The following NEB variants were observed in gnomAD, a reference collection of about 807,000 sequenced individuals.
NEB encodes the protein nebulin.
In NEB, 512 loss-of-function variants were observed where a neutral mutation model predicts 952.2. That is an observed-to-expected ratio of 0.54 (90% CI 0.50 to 0.58). The LOEUF is 0.58. Among genes scored for constraint, NEB ranks in the 20% least tolerant of loss-of-function variants. NEB has a pLI of 0.00. For missense variants in NEB, 8,428 were observed against 9,231.1 expected, an observed-to-expected ratio of 0.91 and a Z score of 3.56; for synonymous variants, 2,900 against 3,149.8, an observed-to-expected ratio of 0.92 and a Z score of 2.66.
At chr2:151,697,089 T>A in intron 16 of NEB, 59 bp downstream of exon 16, 3 of 1,291,056 alleles carry the variant, frequency 2.3e-6, no homozygotes, top group Non-Finnish European at 3.3e-6. Flanking sequence ...TTTAAACATA[T>A]CCTGACCACT....
intron 18 of NEB, 132 bp from the exon 19 acceptor site, chr2:151,694,761 T>C (rs757638348): frequency 7.6e-5 from 54 of 711,916 alleles, no homozygotes; most frequent in Non-Finnish European, 1.2e-4. Context: ...TAGGAAATCA[T>C]GCATATTTTA....
intron 63 of NEB, among the ~76,000 whole-genome samples, chr2:151,638,583 C>T (rs867941911): frequency 1.3e-5 from 2 of 152,300 alleles, no homozygotes; most frequent in East Asian, 1.9e-4. Context: ...TTTTCCAGAA[C>T]GAATGGACTG....
At chr2:151,670,447 G>A (rs2099271854) in intron 38 of NEB, among the ~76,000 whole-genome samples, 1 of 105,232 alleles carries the variant, frequency 9.5e-6, no homozygotes, top group Non-Finnish European at 1.8e-5. Context: ...GTCTCAGAAT[G>A]AGACATACAG....
At chr2:151,671,512 G>A (rs1165483954) in intron 37 of NEB, 2 of 331,828 alleles carry the variant, frequency 6.0e-6, no homozygotes, top group Non-Finnish European at 1.1e-5. Flanking sequence ...TTCTATAATG[G>A]TTGTTTATCT....
chr2:151,623,162 C>T (rs2098451428), intron 71 of NEB, among the ~76,000 whole-genome samples: 1 of 152,198 alleles, frequency 6.6e-6, no homozygotes, highest in African/African-American at 2.4e-5. Context: ...CAAATACAGC[C>T]TTTAGATCAA....
chr2:151,485,685 C>T lies in NEB; in HGVS notation c.*75G>A. Reference sequence around the variant, plus strand: ...ATAGGCAGCTTGAGAACTTAGGTAACAGTGGAGAGTCTAAACCGAAACATT... The same window carrying T: ...ATAGGCAGCTTGAGAACTTAGGTAATAGTGGAGAGTCTAAACCGAAACATT... On this transcript the variant is annotated 3_prime_UTR_variant, in exon 182 of 182. Transcript: ENST00000397345. The T allele has an allele frequency of 5.8e-6, 8 of 1,388,686 alleles. No homozygotes were observed. Among genetic ancestry groups the T allele is most frequent in the African/African-American group, 1.4e-5 (1 of 69,874 alleles). 86.0% of individuals were successfully genotyped at this position (1,388,686 alleles called of 1,614,324 possible). A position where few individuals can be genotyped will look rare whatever the true frequency, so the allele number is the denominator to read the frequency against.
At chr2:151,534,279 T>C (rs1286704211) in intron 142 of NEB, 1 of 1,613,712 alleles carries the variant, frequency 6.2e-7, no homozygotes, top group East Asian at 2.2e-5. Context: ...TACCAGGTGG[T>C]ATTTATCTTT....
chr2:151,567,260 T>C lies in NEB; in HGVS notation c.18064A>G (p.Ile6022Val), dbSNP rs574746662. ...TGGTGCAAGTAATTACGATAATCAA[T>C]ATCACTGACAAGGGTCTGCCCCTGC... ...AKQGQTLVSD[I>V]DYRNYLHQWM... The change falls in exon 114 of 182, where the codon ATT becomes GTT. Residue 6022 changes from isoleucine (I) to valine (V), a missense_variant. Coordinates refer to ENST00000397345, the MANE Select transcript of NEB (RefSeq NM_001164508.2). 2.5e-4 allele frequency: 406 copies of C among 1,613,918 alleles called. 5 individuals are homozygous for C. The South Asian group carries it at 4.1e-3, about 16-fold the overall frequency.
intron 13 of NEB, among the ~76,000 whole-genome samples, chr2:151,704,309 TTTTG>T (rs2099692569): frequency 1.6e-5 from 2 of 126,368 alleles, no homozygotes; most frequent in South Asian, 6.0e-4. Flanking sequence ...ACTGCTGTCT[TTTTG>T]TTTGTCTGTG....
Position 151,677,928 on chromosome 2 carries a change from G to A in NEB, c.3515C>T (p.Pro1172Leu), listed in dbSNP as rs1201003793. Residue 1172 changes from proline to leucine, a missense_variant, in exon 33 of 182, where the codon CCT (proline) becomes CTT (leucine). Physicochemically the swap from Pro to Leu is moderately conservative, Grantham distance 98 (BLOSUM62 -3). This residue lies in a region of NEB where 2,851 missense variants were observed against 2,791.5 expected (regional missense o/e 1.02). Coordinates refer to ENST00000397345, the MANE Select transcript of NEB (RefSeq NM_001164508.2). ...KHSLHHYTYLPDAMDLELSKN... is the reference protein window; with the variant it reads ...KHSLHHYTYLLDAMDLELSKN... ...AGACAGCTCCAGGTCCATGGCGTCA[G>A]GCAAGTAGGTGTAATGATGGAGAGA... 5.6e-6 allele frequency: 9 copies of A among 1,613,716 alleles called. No individual in the cohort carries two copies. Among genetic ancestry groups the A allele is most frequent in the Non-Finnish European group, 6.8e-6 (8 of 1,179,808 alleles).
Position 151,671,094 on chromosome 2 carries a change from C to T in NEB, c.4435G>A (p.Val1479Ile), listed in dbSNP as rs34577613. Reference protein sequence around the residue: ...ERKYRQHPDTVKFTSVPDSMG... With the variant: ...ERKYRQHPDTIKFTSVPDSMG... ...GAATCAGGCACACTTGTGAACTTGACGGTATCTGGGTGCTGTCGATACTTC... is the reference window on the plus strand; with the variant it reads ...GAATCAGGCACACTTGTGAACTTGATGGTATCTGGGTGCTGTCGATACTTC... Residue 1479 changes from valine (V) to isoleucine (I), a missense_variant, in exon 38 of 182, where the codon GTC becomes ATC. Around this residue, in one of 11 missense-constraint regions of NEB, gnomAD observed 2,851 missense variants for 2,791.5 expected, o/e 1.02. Coordinates refer to ENST00000397345, the MANE Select transcript of NEB (RefSeq NM_001164508.2). The T allele has an allele frequency of 0.15, 235,183 of 1,613,714 alleles. 26,248 individuals carry two copies. Among genetic ancestry groups the T allele is most frequent in the East Asian group, 0.57 (25,415 of 44,846 alleles).
chr2:151,717,669 G>A (rs1007277492), intron 9 of NEB, 149 bp from the exon 10 acceptor site: 4 of 647,288 alleles, frequency 6.2e-6, no homozygotes, highest in Admixed American at 5.7e-5. Context: ...CTATTTTGCT[G>A]AATTTTCTTC....
At chr2:151,505,897 C>T (rs1014656979) in intron 164 of NEB, 14 of 547,552 alleles carry the variant, frequency 2.6e-5, no homozygotes, top group Admixed American at 9.3e-5. Context: ...ATACATATAT[C>T]CAGGAAGGTT....
In NEB at chr2:151,619,655, C is replaced by G. The variant is rs2098334402; in HGVS notation, c.10668G>C (p.Gln3556His). The G allele has an allele frequency of 6.2e-7, 1 of 1,613,892 alleles. No homozygotes were observed. The highest frequency in any genetic ancestry group is 1.3e-5 in the African/African-American group (1 of 74,938). ...AATCTTTCTTGTACTCACGGTCACT[C>G]TGCACTTTGGCAATGTGGAGGGACC... ...IMWSLHIAKVQSDREYKKDFE... is the reference protein window; with the variant it reads ...IMWSLHIAKVHSDREYKKDFE... The change falls in exon 73 of 182, where the codon CAG becomes CAC. Residue 3556 changes from glutamine to histidine, a missense_variant. By Grantham distance (24) the Gln-to-His change is conservative. This residue lies in a region of NEB where 1,772 missense variants were observed against 1,960.3 expected (regional missense o/e 0.90). Coordinates refer to ENST00000397345, the MANE Select transcript of NEB (RefSeq NM_001164508.2).
At position 151,503,220 on chromosome 2, in the gene NEB, G is replaced by A. The variant is rs940654179; in HGVS notation, c.23835+129C>T. ...TTTGTATTAACATAATTTTGGTCAGGTAATAATACACAACACACACAGACA... is the reference window on the plus strand; with the variant it reads ...TTTGTATTAACATAATTTTGGTCAGATAATAATACACAACACACACAGACA... On this transcript the variant is annotated intron_variant, in intron 166 of 181. Coordinates refer to ENST00000397345, the MANE Select transcript of NEB (RefSeq NM_001164508.2). The A allele has an allele frequency of 2.8e-5, 20 of 702,634 alleles. No homozygotes were observed. The Admixed American group carries it at 5.7e-4, about 20-fold the overall frequency. 43.5% of individuals were successfully genotyped at this position (702,634 alleles called of 1,614,324 possible).
At chr2:151,697,071 G>A in intron 16 of NEB, 77 bp downstream of exon 16, 1 of 1,079,566 alleles carries the variant, frequency 9.3e-7, no homozygotes, top group Non-Finnish European at 1.3e-6. Context: ...TTGTAAAAGT[G>A]GCAACATTTT....
intron 64 of NEB, among the ~76,000 whole-genome samples, chr2:151,635,835 T>A (rs922585120): frequency 1.3e-5 from 2 of 152,164 alleles, no homozygotes; most frequent in African/African-American, 2.4e-5. Context: ...TACTATCTAT[T>A]CAAATGTTAC....
At chr2:151,491,593 G>A in intron 179 of NEB, 90 bp downstream of exon 179, 1 of 1,093,168 alleles carries the variant, frequency 9.1e-7, no homozygotes, top group East Asian at 2.6e-5. Flanking sequence ...AACTCTGGAG[G>A]GAAGGAACTT....
chr2:151,729,109 G>C (rs559289928), intron 4 of NEB, among the ~76,000 whole-genome samples: 86 of 152,248 alleles, frequency 5.6e-4, no homozygotes, highest in African/African-American at 2.0e-3. Flanking sequence ...TATGGTAATA[G>C]GTTATTTAGA....
Sources: gnomAD v4.1 joint callset for allele counts (sites outside exome capture counted in the v4.1 genomes callset) on GRCh38, gnomAD v4.1.1 for gene constraint, gnomAD v4.1.1 regional missense constraint, MANE v1.5 for transcripts, NCBI Gene and HGNC (gene_info 2026-07-23, HGNC 2026-07-21) for gene names.